Variants in PTPRG observed in about 807,000 individuals in gnomAD.
PTPRG encodes the protein receptor-type tyrosine-protein phosphatase gamma.
A neutral mutation model predicts 165.3 loss-of-function variants in PTPRG; 102 were observed. The ratio of observed to expected loss-of-function variants is 0.62; its 90% confidence interval spans 0.53 to 0.73. PTPRG has a LOEUF of 0.73. Among genes scored for constraint, PTPRG ranks in the 30% least tolerant of loss-of-function variants. PTPRG has a pLI of 0.00. For synonymous variants in PTPRG, 675 were observed against 669.5 expected (o/e 1.01, Z -0.13); for missense variants, 1,866 against 1,861.4 (o/e 1.00, Z -0.05).
At chr3:61,721,384 A>G (rs534652773) in intron 1 of PTPRG, among the ~76,000 whole-genome samples, 16 of 152,328 alleles carry the variant, frequency 1.1e-4, no homozygotes, top group Non-Finnish European at 2.4e-4. Context: ...AGATGTTTAC[A>G]AACTCAAAGA....
intron 3 of PTPRG, among the ~76,000 whole-genome samples, chr3:61,992,159 G>A (rs1242420245): frequency 1.3e-5 from 2 of 152,032 alleles, no homozygotes; most frequent in South Asian, 2.1e-4. Flanking sequence ...CCAATATATT[G>A]TAAATACTCT....
chr3:62,191,576 T>C lies in PTPRG; in HGVS notation c.1141T>C (p.Tyr381His). ...ETIYHPPIMN[Y>H]MISYSWTKNE... The stretch of plus-strand genomic sequence containing the variant: ...TATCTACCACCCACCCATCATGAAC[T>C]ACATGATCTCCTACAGCTGGACCAA... Residue 381 changes from tyrosine (Y) to histidine (H), a missense_variant, in exon 9 of 30, where the codon TAC becomes CAC. Around this residue, in one of 3 missense-constraint regions of PTPRG, gnomAD observed 1,452 missense variants for 1,463.0 expected, o/e 0.99. Transcript: ENST00000474889. The C allele has an allele frequency of 1.2e-6, 2 of 1,614,132 alleles. No homozygotes were observed. The highest frequency in any genetic ancestry group is 1.7e-6 in the Non-Finnish European group (2 of 1,180,014).
At chr3:61,816,916 G>A (rs1438640875) in intron 2 of PTPRG, among the ~76,000 whole-genome samples, 1 of 147,526 alleles carries the variant, frequency 6.8e-6, no homozygotes, top group East Asian at 2.0e-4. Flanking sequence ...CTGGTAAAAT[G>A]AAATGAAATA....
At chr3:62,107,083 T>G (rs765440430) in intron 5 of PTPRG, among the ~76,000 whole-genome samples, 1 of 152,210 alleles carries the variant, frequency 6.6e-6, no homozygotes, top group Non-Finnish European at 1.5e-5. Context: ...GTGTTCCAAT[T>G]AAGAGAAATG....
intron 2 of PTPRG, among the ~76,000 whole-genome samples, chr3:61,938,594 T>G (rs904804145): frequency 6.6e-6 from 1 of 152,242 alleles, no homozygotes; most frequent in Non-Finnish European, 1.5e-5. Context: ...TGTTAGTTAT[T>G]TTTCCTAATA....
At chr3:62,128,212 C>T (rs1050130820) in intron 5 of PTPRG, among the ~76,000 whole-genome samples, 1 of 152,086 alleles carries the variant, frequency 6.6e-6, no homozygotes, top group African/African-American at 2.4e-5. Flanking sequence ...AATGAGAGTA[C>T]GAACTCTGCA....
intron 1 of PTPRG, among the ~76,000 whole-genome samples, chr3:61,629,314 C>A (rs879795139): frequency 6.6e-6 from 1 of 152,062 alleles, no homozygotes; most frequent in African/African-American, 2.4e-5. Context: ...ACCACCATGA[C>A]CGGCTAATTT....
intron 2 of PTPRG, among the ~76,000 whole-genome samples, chr3:61,914,272 G>A (rs891159833): frequency 6.6e-6 from 1 of 152,172 alleles, no homozygotes; most frequent in African/African-American, 2.4e-5. Context: ...TCCATGTGGG[G>A]TGCTGGAATA....
Position 62,203,656 on chromosome 3 carries a change from A to G in PTPRG, c.1861A>G (p.Thr621Ala). Reference sequence around the variant, plus strand: ...CCACGCTGCCGAGGAGCGGAATCAGACGGAGCCCAGCCCCACACCCTCGTC... The same window carrying G: ...CCACGCTGCCGAGGAGCGGAATCAGGCGGAGCCCAGCCCCACACCCTCGTC... ...VTHAAEERNQ[T>A]EPSPTPSSPN... Residue 621 changes from threonine (T) to alanine (A), a missense_variant, in exon 12 of 30, where the codon ACG (threonine) becomes GCG (alanine). Thr to Ala is a moderately conservative substitution (Grantham distance 58). This residue lies in a region of PTPRG where 1,452 missense variants were observed against 1,463.0 expected (regional missense o/e 0.99). Coordinates refer to ENST00000474889, the MANE Select transcript of PTPRG (RefSeq NM_002841.4). This position sits in a 1 kb window ranked among gnomAD's most constrained non-coding sequence, Gnocchi z 6.4. 6.4e-7 allele frequency: 1 copy of G among 1,562,008 alleles called. No homozygotes were observed. Among genetic ancestry groups the G allele is most frequent in the Non-Finnish European group, 8.7e-7 (1 of 1,152,644 alleles).
At chr3:62,274,969 T>G (rs139154620) in intron 23 of PTPRG, among the ~76,000 whole-genome samples, 145 of 152,276 alleles carry the variant, frequency 9.5e-4, no homozygotes, top group African/African-American at 3.3e-3. Context: ...TTGGTTCTTT[T>G]ACAGGCACTA....
chr3:61,768,246 C>G (rs2034096827), intron 2 of PTPRG, among the ~76,000 whole-genome samples: 1 of 152,152 alleles, frequency 6.6e-6, no homozygotes, highest in African/African-American at 2.4e-5. Context: ...CTGTAACTCA[C>G]AGGTATGATG....
chr3:61,891,216 G>T (rs2038205558), intron 2 of PTPRG, among the ~76,000 whole-genome samples: 1 of 152,092 alleles, frequency 6.6e-6, no homozygotes, highest in South Asian at 2.1e-4. Context: ...TACTCAGGAG[G>T]CTGAGGCAAG....
At chr3:61,616,248 G>A (rs937863425) in intron 1 of PTPRG, among the ~76,000 whole-genome samples, 4 of 152,104 alleles carry the variant, frequency 2.6e-5, no homozygotes, top group African/African-American at 7.2e-5. Flanking sequence ...CACCATGCCC[G>A]GCTGAGAATG....
intron 8 of PTPRG, among the ~76,000 whole-genome samples, chr3:62,178,136 AGGATGGATGGATGGATGGATGGAT>A (rs66547961): frequency 1.4e-5 from 2 of 141,536 alleles, no homozygotes; most frequent in African/African-American, 2.6e-5. Context: ...AATGGATGGG[AGGATGGATGGATGGATGGATGGAT>A]GGATGGATGG....
chr3:62,292,925 C>G (rs1182774655), intron 29 of PTPRG, among the ~76,000 whole-genome samples: 1 of 152,084 alleles, frequency 6.6e-6, no homozygotes. Flanking sequence ...TGTTCATTAA[C>G]AATCAGCACT....
In PTPRG at chr3:61,669,318, A is replaced by G. The variant is rs373028647; in HGVS notation, c.86-79560A>G. Among the ~76,000 whole-genome samples the G allele has an allele frequency of 9.9e-5, 15 of 152,152 alleles. No individual in the cohort carries two copies. The East Asian group carries it at 1.4e-3, about 14-fold the overall frequency. On this transcript the variant is annotated intron_variant, in intron 1 of 29. Coordinates refer to ENST00000474889, the MANE Select transcript of PTPRG (RefSeq NM_002841.4). ...TATGAGTTGTTCACCGAGACCCAGA[A>G]TCAGGTCAGAGGACTGACTCCAAAT...
intron 8 of PTPRG, among the ~76,000 whole-genome samples, chr3:62,186,567 C>CTTTTTTTT (rs35133425): frequency 0.016 from 1,926 of 117,330 alleles, 87 homozygotes; most frequent in African/African-American, 0.041. Flanking sequence ...TTTTCTTTTC[C>CTTTTTTTT]TTTTTTTTTT....
At chr3:61,773,934 G>A (rs597001) in intron 2 of PTPRG, among the ~76,000 whole-genome samples, 2 of 151,782 alleles carry the variant, frequency 1.3e-5, no homozygotes, top group African/African-American at 2.4e-5. Flanking sequence ...ACCACCACGC[G>A]TGGCTAATTT....
At chr3:61,632,370 T>C (rs1701793982) in intron 1 of PTPRG, among the ~76,000 whole-genome samples, 1 of 152,060 alleles carries the variant, frequency 6.6e-6, no homozygotes. Flanking sequence ...ATAAGGCACA[T>C]AGGTGTAATG....
Sources: gnomAD v4.1 joint callset for allele counts (sites outside exome capture counted in the v4.1 genomes callset) on GRCh38, gnomAD v4.1.1 for gene constraint, gnomAD v4.1.1 regional missense constraint, Gnocchi (gnomAD v3.1) non-coding constraint, MANE v1.5 for transcripts, NCBI Gene and HGNC (gene_info 2026-07-23, HGNC 2026-07-21) for gene names.